Variants in SDK1 observed in about 807,000 individuals in gnomAD.
SDK1 encodes the protein protein sidekick-1.
A neutral mutation model predicts 245.5 loss-of-function variants in SDK1; 157 were observed. The observed-to-expected ratio is 0.64, with a 90% CI of 0.56 to 0.73. SDK1 has a LOEUF of 0.73. SDK1 is among the 30% of genes least tolerant of loss of function. SDK1 has a pLI of 0.00. For synonymous variants in SDK1, 1,647 were observed against 1,278.5 expected (o/e 1.29, Z -6.15); for missense variants, 3,583 against 3,002.3 (o/e 1.19, Z -4.52).
intron 1 of SDK1, among the ~76,000 whole-genome samples, chr7:3,616,581 C>A (rs961828761): frequency 1.3e-5 from 2 of 152,166 alleles, no homozygotes; most frequent in Admixed American, 6.5e-5. Context: ...AAATCTCCTA[C>A]TGTAAGTTCT....
At chr7:3,891,242 G>T (rs1312523193) in intron 5 of SDK1, among the ~76,000 whole-genome samples, 1 of 152,076 alleles carries the variant, frequency 6.6e-6, no homozygotes, top group African/African-American at 2.4e-5. Context: ...CTGGGAGTAG[G>T]GGGTGTCGAT....
At chr7:3,969,746 A>G (rs570125518) in intron 11 of SDK1, among the ~76,000 whole-genome samples, 2 of 152,240 alleles carry the variant, frequency 1.3e-5, no homozygotes, top group Non-Finnish European at 2.9e-5. Flanking sequence ...TAAGCATTTT[A>G]TAAGAAAATT....
intron 35 of SDK1, among the ~76,000 whole-genome samples, chr7:4,185,335 G>A (rs557353277): frequency 2.6e-5 from 4 of 152,258 alleles, no homozygotes; most frequent in South Asian, 2.1e-4. Flanking sequence ...ACAGCGTTCC[G>A]GGCACTGTGG....
At chr7:3,898,171 G>A (rs1295997601) in intron 5 of SDK1, among the ~76,000 whole-genome samples, 5 of 152,154 alleles carry the variant, frequency 3.3e-5, no homozygotes, top group Admixed American at 6.5e-5. Flanking sequence ...GTGCAGATAC[G>A]GTGCTTTAAT....
intron 1 of SDK1, among the ~76,000 whole-genome samples, chr7:3,517,511 C>A (rs932237039): frequency 6.6e-6 from 1 of 152,128 alleles, no homozygotes; most frequent in African/African-American, 2.4e-5. Flanking sequence ...TGCTTGCTTC[C>A]TGCAGGAATG....
intron 4 of SDK1, among the ~76,000 whole-genome samples, chr7:3,759,711 C>T (rs1443713899): frequency 6.6e-6 from 1 of 151,964 alleles, no homozygotes; most frequent in African/African-American, 2.4e-5. Flanking sequence ...TCTGCCTCAG[C>T]CTCCTGAGTA....
intron 1 of SDK1, among the ~76,000 whole-genome samples, chr7:3,444,071 C>G (rs895735421): frequency 2.0e-5 from 3 of 152,230 alleles, no homozygotes; most frequent in East Asian, 3.8e-4. Context: ...TCCCAGACTC[C>G]TATACTGCTC....
At chr7:3,422,173 C>T (rs1290641970) in intron 1 of SDK1, among the ~76,000 whole-genome samples, 1 of 152,084 alleles carries the variant, frequency 6.6e-6, no homozygotes, top group Non-Finnish European at 1.5e-5. Flanking sequence ...AAACTTGTTA[C>T]CTTCAAGTGG....
intron 1 of SDK1, among the ~76,000 whole-genome samples, chr7:3,515,089 A>G (rs1782701120): frequency 6.6e-6 from 1 of 152,036 alleles, no homozygotes; most frequent in African/African-American, 2.4e-5. Context: ...TAGAAGGAGC[A>G]GGTGAGAGAA....
At chr7:3,950,411 G>A (rs764090322) in intron 5 of SDK1, among the ~76,000 whole-genome samples, 3 of 152,088 alleles carry the variant, frequency 2.0e-5, no homozygotes, top group Non-Finnish European at 2.9e-5. Flanking sequence ...ATTACCCTCC[G>A]TCAACCATGG....
intron 36 of SDK1, among the ~76,000 whole-genome samples, chr7:4,207,817 A>G (rs1202014951): frequency 6.6e-6 from 1 of 152,112 alleles, no homozygotes; most frequent in Non-Finnish European, 1.5e-5. Flanking sequence ...CTTATCTTCA[A>G]CAGCGCTTTG....
chr7:4,172,049 G>C (rs1192553078), intron 32 of SDK1, among the ~76,000 whole-genome samples: 2 of 152,222 alleles, frequency 1.3e-5, no homozygotes, highest in Non-Finnish European at 2.9e-5. Flanking sequence ...AAGGGTGTGG[G>C]TTTGCAGGGC....
rs1170795893 is a variant in SDK1 at position 4,241,906 on chromosome 7, G to A, written c.6244G>A (p.Gly2082Arg). 6 of 1,613,210 alleles carry A rather than the reference G, an allele frequency of 3.7e-6. No individual in the cohort carries two copies. The highest frequency in any genetic ancestry group is 1.3e-5 in the African/African-American group (1 of 74,928). Residue 2082 changes from glycine (G) to arginine (R), a missense_variant, in exon 43 of 45, where the codon GGG becomes AGG. Transcript: ENST00000404826. ...CAAGAGCACCTTCTCCAAGAAGAAC[G>A]GGACCAGGTAGGCAGGCAGTGCTGT... Reference protein sequence around the residue: ...NVKSTFSKKNGTRSPPRPSPG... With the variant: ...NVKSTFSKKNRTRSPPRPSPG...
intron 35 of SDK1, among the ~76,000 whole-genome samples, chr7:4,184,385 G>A (rs1782762858): frequency 6.6e-6 from 1 of 152,158 alleles, no homozygotes; most frequent in Non-Finnish European, 1.5e-5. Flanking sequence ...TGCTGCTGTG[G>A]GGAGACCTGT....
intron 44 of SDK1, among the ~76,000 whole-genome samples, chr7:4,264,355 G>A (rs1788294736): frequency 6.7e-6 from 1 of 149,976 alleles, no homozygotes; most frequent in South Asian, 2.1e-4. Context: ...GAGTGAGGAG[G>A]CCGTGTAGAT....
chr7:4,252,304 G>A (rs959655563), intron 44 of SDK1, among the ~76,000 whole-genome samples: 7 of 151,082 alleles, frequency 4.6e-5, no homozygotes, highest in Middle Eastern at 3.5e-3. Flanking sequence ...GAGAACATGC[G>A]GTGTTTGGTT....
chr7:4,079,080 G>A (rs1780889952), intron 21 of SDK1, among the ~76,000 whole-genome samples: 1 of 152,152 alleles, frequency 6.6e-6, no homozygotes. Context: ...AGTACGGCCC[G>A]CTCGTTCTCT....
intron 1 of SDK1, among the ~76,000 whole-genome samples, chr7:3,397,532 G>A (rs1294719014): frequency 6.6e-6 from 1 of 151,398 alleles, no homozygotes; most frequent in African/African-American, 2.4e-5. Context: ...GGTCTTTATG[G>A]TTTCTAACAA....
chr7:3,613,702 A>G (rs572862392), intron 1 of SDK1, among the ~76,000 whole-genome samples: 7 of 152,318 alleles, frequency 4.6e-5, no homozygotes, highest in East Asian at 3.9e-4. Flanking sequence ...TATGTTCCCA[A>G]TAGCAATGAC....
Sources: allele counts gnomAD v4.1 joint callset (sites outside exome capture counted in the v4.1 genomes callset), GRCh38; gene constraint gnomAD v4.1.1; transcripts MANE v1.5; gene names NCBI Gene and HGNC (gene_info 2026-07-23, HGNC 2026-07-21).